The following SLC16A9 variants were observed in gnomAD, a reference collection of about 807,000 sequenced individuals.
SLC16A9 encodes monocarboxylate transporter 9.
Under a neutral mutation model 44.3 loss-of-function variants are expected in SLC16A9, and 26 were observed. The ratio of observed to expected loss-of-function variants is 0.59; its 90% CI spans 0.43 to 0.81. The LOEUF (loss-of-function observed/expected upper bound fraction) is 0.81, where lower values mean the gene tolerates loss of function less well. SLC16A9 is among the 40% of genes least tolerant of loss of function. The pLI is 0.00. For synonymous variants in SLC16A9, 230 were observed against 225.1 expected (o/e 1.02, Z -0.19); for missense variants, 559 against 595.8 (o/e 0.94, Z 0.64).
rs759678370 is a variant in SLC16A9 at position 59,651,919 on chromosome 10, T to A, written c.*853A>T. ...ACTGTGCCCAAAGCAAATGGATGTT[T>A]CCCATTTGCCAGAACGGAATGATTG... On this transcript the variant is annotated 3_prime_UTR_variant, in exon 6 of 6. Transcript: ENST00000395348. 6.6e-6 allele frequency: 1 copy of A among 152,216 alleles called. No individual in the cohort carries two copies. The highest frequency in any genetic ancestry group is 2.4e-5 in the African/African-American group (1 of 41,458). 9.4% of individuals were successfully genotyped at this position (152,216 alleles called of 1,614,324 possible). A position where few individuals can be genotyped will look rare whatever the true frequency, so the allele number is the denominator to read the frequency against.
chr10:59,680,516 G>A (rs747374008), intron 2 of SLC16A9, among the ~76,000 whole-genome samples: 32 of 152,066 alleles, frequency 2.1e-4, no homozygotes, highest in Non-Finnish European at 3.8e-4. Flanking sequence ...TAATTTACAC[G>A]GCATGAGTAG....
At chr10:59,682,444 A>C (rs1840044419) in intron 2 of SLC16A9, among the ~76,000 whole-genome samples, 1 of 151,956 alleles carries the variant, frequency 6.6e-6, no homozygotes, top group South Asian at 2.1e-4. Context: ...GTAGAGCTGC[A>C]GTTGAATTGT....
At chr10:59,696,497 C>A (rs1840379297) in intron 1 of SLC16A9, among the ~76,000 whole-genome samples, 1 of 152,128 alleles carries the variant, frequency 6.6e-6, no homozygotes, top group South Asian at 2.1e-4. Context: ...CCCAAAGTGC[C>A]GAGATTGCAG....
chr10:59,653,012 C>G (rs180962684), intron 5 of SLC16A9, 62 bp from the exon 6 acceptor site: 1 of 1,289,630 alleles, frequency 7.8e-7, no homozygotes, highest in Admixed American at 2.2e-5. Context: ...CCATCCCATA[C>G]CCTAATTATA....
chr10:59,682,498 AAGG>A (rs972363531), intron 2 of SLC16A9, among the ~76,000 whole-genome samples: 90 of 152,266 alleles, frequency 5.9e-4, no homozygotes, highest in African/African-American at 2.1e-3. Flanking sequence ...GCCCATCCTT[AAGG>A]AGATCTCCGC....
chr10:59,664,369 A>G, intron 3 of SLC16A9, 47 bp from the exon 4 acceptor site: 1 of 1,326,998 alleles, frequency 7.5e-7, no homozygotes, highest in Non-Finnish European at 1.1e-6. Flanking sequence ...GCATTACTTC[A>G]ATGCAAGAGA....
At chr10:59,668,042 G>C (rs1839661085) in intron 3 of SLC16A9, among the ~76,000 whole-genome samples, 1 of 150,200 alleles carries the variant, frequency 6.7e-6, no homozygotes. Flanking sequence ...CTCTCTCTCT[G>C]CACTAACACT....
At chr10:59,686,472 G>A (rs1184993525) in intron 1 of SLC16A9, among the ~76,000 whole-genome samples, 1 of 152,156 alleles carries the variant, frequency 6.6e-6, no homozygotes, top group African/African-American at 2.4e-5. Context: ...ATTTGTTCAA[G>A]TCTCCATCTA....
intron 3 of SLC16A9, among the ~76,000 whole-genome samples, chr10:59,671,193 C>G (rs964441772): frequency 1.3e-5 from 2 of 152,154 alleles, no homozygotes; most frequent in African/African-American, 4.8e-5. Flanking sequence ...TCCTCTCAGT[C>G]ACTGAGAATC....
intron 2 of SLC16A9, among the ~76,000 whole-genome samples, chr10:59,682,281 T>G (rs893139559): frequency 6.6e-6 from 1 of 152,208 alleles, no homozygotes; most frequent in Admixed American, 6.5e-5. Flanking sequence ...TTTAGTGCTC[T>G]GCTGTCACTA....
At chr10:59,691,279 A>AG in intron 1 of SLC16A9, among the ~76,000 whole-genome samples, 1 of 152,266 alleles carries the variant, frequency 6.6e-6, no homozygotes, top group South Asian at 2.1e-4. Flanking sequence ...AATCTCCTTC[A>AG]ACCAGAGTGT....
chr10:59,669,763 T>A (rs1351878041), intron 3 of SLC16A9, among the ~76,000 whole-genome samples: 3 of 150,984 alleles, frequency 2.0e-5, no homozygotes, highest in Non-Finnish European at 4.4e-5. Flanking sequence ...CTTGAACCCA[T>A]GAGGCGGAGG....
chr10:59,654,660 A>G (rs1839309499), intron 4 of SLC16A9, 71 bp from the exon 5 acceptor site: 4 of 1,285,264 alleles, frequency 3.1e-6, no homozygotes, highest in Middle Eastern at 1.9e-4. Flanking sequence ...TAATATCACA[A>G]TTCAATTTAT....
chr10:59,657,489 C>T (rs2132405624), intron 4 of SLC16A9, among the ~76,000 whole-genome samples: 2 of 152,296 alleles, frequency 1.3e-5, no homozygotes, highest in Middle Eastern at 3.4e-3. Flanking sequence ...TGGGTTCATA[C>T]TTCTCCCTAA....
chr10:59,679,993 T>A (rs1000563039), intron 2 of SLC16A9, among the ~76,000 whole-genome samples: 2 of 152,218 alleles, frequency 1.3e-5, no homozygotes, highest in African/African-American at 4.8e-5. Context: ...AATTATTAGT[T>A]ACCTTTTTTT....
intron 2 of SLC16A9, among the ~76,000 whole-genome samples, chr10:59,682,510 G>A (rs775579707): frequency 7.9e-5 from 12 of 152,040 alleles, no homozygotes; most frequent in Non-Finnish European, 1.6e-4. Context: ...GGAGATCTCC[G>A]CTTTCCTCAG....
At chr10:59,700,917 G>T (rs551470435) in intron 1 of SLC16A9, among the ~76,000 whole-genome samples, 1 of 152,196 alleles carries the variant, frequency 6.6e-6, no homozygotes, top group Admixed American at 6.5e-5. Context: ...ACTCTCCCAG[G>T]CTCTCTCTAA....
At chr10:59,704,613 TA>T in intron 1 of SLC16A9, among the ~76,000 whole-genome samples, 1 of 152,310 alleles carries the variant, frequency 6.6e-6, no homozygotes, top group South Asian at 2.1e-4. Flanking sequence ...ATGTAACAGT[TA>T]AATTTAGGCA....
intron 2 of SLC16A9, among the ~76,000 whole-genome samples, chr10:59,680,238 T>C (rs1839958232): frequency 1.3e-5 from 2 of 152,160 alleles, no homozygotes; most frequent in Non-Finnish European, 2.9e-5. Flanking sequence ...TATTTAAGTC[T>C]CAAGGAAAAG....
Sources: allele counts gnomAD v4.1 joint callset (sites outside exome capture counted in the v4.1 genomes callset), GRCh38; gene constraint gnomAD v4.1.1; transcripts MANE v1.5; gene names NCBI Gene and HGNC (gene_info 2026-07-23, HGNC 2026-07-21).